The following DNAI1 variants were observed in gnomAD, a reference collection of about 807,000 sequenced individuals.
DNAI1 encodes dynein axonemal intermediate chain 1, also known as dynein, axonemal, intermediate polypeptide 1.
Under a neutral mutation model 92.0 loss-of-function variants are expected in DNAI1, and 67 were observed. The ratio of observed to expected loss-of-function variants is 0.73; its 90% CI spans 0.60 to 0.89. The LOEUF (loss-of-function observed/expected upper bound fraction) is 0.89, where lower values mean the gene tolerates loss of function less well. Ranked by LOEUF, DNAI1 falls within the 40% of genes least tolerant of loss-of-function variation. The pLI is 0.00. For missense variants in DNAI1, 839 were observed against 866.6 expected, an observed-to-expected ratio of 0.97 and a Z score of 0.40; for synonymous variants, 323 against 319.6, an observed-to-expected ratio of 1.01 and a Z score of -0.11.
At chr9:34,481,778 A>G (rs1321668710) in intron 1 of DNAI1, among the ~76,000 whole-genome samples, 1 of 152,130 alleles carries the variant, frequency 6.6e-6, no homozygotes, top group African/African-American at 2.4e-5. Context: ...TGGGCTCAGG[A>G]GTGAAGCTGC....
intron 12 of DNAI1, among the ~76,000 whole-genome samples, chr9:34,502,529 C>T (rs575886531): frequency 5.3e-5 from 8 of 152,214 alleles, no homozygotes; most frequent in East Asian, 1.9e-4. Context: ...TCAGTTTTAG[C>T]GCTATTCTCC....
rs746021545 is a variant in DNAI1, at chr9:34,459,062, C to T, written c.48+9C>T. The T allele has an allele frequency of 1.2e-6, 2 of 1,613,568 alleles. No individual in the cohort carries two copies. The highest frequency in any genetic ancestry group is 1.7e-6 in the Non-Finnish European group (2 of 1,179,510). On this transcript the variant is annotated intron_variant, in intron 1 of 19. Coordinates refer to ENST00000242317, the MANE Select transcript of DNAI1 (RefSeq NM_012144.4). ...AACAGCCTCATAAGCAGGTAACGTACGCACACCTTCCTTCTGATGACCTCT... is the reference window on the plus strand; with the variant it reads ...AACAGCCTCATAAGCAGGTAACGTATGCACACCTTCCTTCTGATGACCTCT...
chr9:34,481,740 G>A (rs992335002), intron 1 of DNAI1, among the ~76,000 whole-genome samples: 4 of 152,074 alleles, frequency 2.6e-5, no homozygotes, highest in Admixed American at 2.0e-4. Flanking sequence ...GGAGTTGTTC[G>A]TTCCTCCTGG....
intron 1 of DNAI1, among the ~76,000 whole-genome samples, chr9:34,472,905 A>C (rs888240725): frequency 6.6e-6 from 1 of 152,060 alleles, no homozygotes; most frequent in African/African-American, 2.4e-5. Flanking sequence ...TGACTAAAAA[A>C]AAAAAAAAAT....
At chr9:34,512,284 T>G in intron 14 of DNAI1, 53 bp from the exon 15 acceptor site, 1 of 1,612,002 alleles carries the variant, frequency 6.2e-7, no homozygotes, top group Non-Finnish European at 8.5e-7. Flanking sequence ...GCCTTGCTCA[T>G]CTAGCCCAAC....
rs999905460 is a variant in DNAI1 at position 34,493,232 on chromosome 9, G to T, written c.720G>T (p.Lys240Asn). The T allele has an allele frequency of 4.3e-6, 7 of 1,614,044 alleles. No individual in the cohort carries two copies. The African/African-American group carries it at 8.0e-5, about 18-fold the overall frequency. Residue 240 changes from lysine to asparagine, a missense_variant, in exon 9 of 20, where the codon AAG (lysine) becomes AAT (asparagine). By Grantham distance (94) the Lys-to-Asn change is moderately conservative. Coordinates refer to ENST00000242317, the MANE Select transcript of DNAI1 (RefSeq NM_012144.4). ...IYDAYVEELEKQEKTKEKEKA... is the reference protein window; with the variant it reads ...IYDAYVEELENQEKTKEKEKA... ...ATGCCTATGTAGAGGAACTTGAGAA[G>T]CAGGAAAAGACCAAAGAGAAGGAGA...
At chr9:34,517,575 C>T in intron 19 of DNAI1, 108 bp downstream of exon 19, 1 of 1,313,596 alleles carries the variant, frequency 7.6e-7, no homozygotes, top group Non-Finnish European at 1.1e-6. Context: ...ATGTGGGAGA[C>T]CCAGGGTAAG....
intron 11 of DNAI1, 84 bp downstream of exon 11, chr9:34,500,923 C>T: frequency 1.8e-6 from 2 of 1,141,436 alleles, no homozygotes. Flanking sequence ...TGCACTTAAC[C>T]ACCTTGAGTA....
At chr9:34,474,038 T>G (rs1006665028) in intron 1 of DNAI1, among the ~76,000 whole-genome samples, 13 of 152,012 alleles carry the variant, frequency 8.6e-5, no homozygotes, top group Non-Finnish European at 1.5e-5. Context: ...CAATACATTG[T>G]TATTTACTAT....
At chr9:34,470,386 A>G (rs1824115236) in intron 1 of DNAI1, among the ~76,000 whole-genome samples, 1 of 152,232 alleles carries the variant, frequency 6.6e-6, no homozygotes, top group Admixed American at 6.5e-5. Flanking sequence ...AAATGTAAAA[A>G]CATAGAATGT....
At chr9:34,486,778 A>T (rs1824482469) in intron 4 of DNAI1, among the ~76,000 whole-genome samples, 1 of 152,244 alleles carries the variant, frequency 6.6e-6, no homozygotes, top group East Asian at 1.9e-4. Context: ...GTTCCCCCTC[A>T]GTCTTCCATC....
intron 10 of DNAI1, 104 bp from the exon 11 acceptor site, chr9:34,500,617 CA>C: frequency 1.3e-6 from 1 of 753,916 alleles, no homozygotes; most frequent in Admixed American, 2.0e-5. Flanking sequence ...CACTCTAAAA[CA>C]GAGGCTCATT....
At chr9:34,499,411 G>T (rs535024691) in intron 10 of DNAI1, among the ~76,000 whole-genome samples, 1 of 152,362 alleles carries the variant, frequency 6.6e-6, no homozygotes, top group South Asian at 2.1e-4. Flanking sequence ...CTTCACTTCT[G>T]TTAATGAATT....
At chr9:34,469,872 G>C (rs950624252) in intron 1 of DNAI1, among the ~76,000 whole-genome samples, 1 of 152,192 alleles carries the variant, frequency 6.6e-6, no homozygotes, top group East Asian at 1.9e-4. Context: ...GAGCCACTGC[G>C]CCCAGCCCTT....
chr9:34,492,704 G>C (rs1824634083), intron 8 of DNAI1, among the ~76,000 whole-genome samples: 2 of 151,238 alleles, frequency 1.3e-5, no homozygotes, highest in Admixed American at 1.3e-4. Context: ...ATTTTTTGTA[G>C]AGATGGAGTT....
At chr9:34,508,602 A>G (rs1158615709) in intron 13 of DNAI1, among the ~76,000 whole-genome samples, 1 of 152,172 alleles carries the variant, frequency 6.6e-6, no homozygotes, top group Admixed American at 6.5e-5. Context: ...CCCAGCTCAG[A>G]TAGCCCAGGG....
intron 1 of DNAI1, among the ~76,000 whole-genome samples, chr9:34,476,315 G>A (rs1403685096): frequency 6.6e-6 from 1 of 152,180 alleles, no homozygotes; most frequent in Non-Finnish European, 1.5e-5. Flanking sequence ...TGTCACTGCT[G>A]TACATGAGAA....
Position 34,490,128 on chromosome 9 carries a change from CA to C in DNAI1, c.501+5del. On this transcript the variant is annotated splice_donor_5th_base_variant and intron_variant, in intron 6 of 19. Transcript: ENST00000242317. ...AACAGATGTGCCTGCAGCTGGGGTA[CA>C]GTATAATATCGCTCTGTGTCCCTCT... 6.2e-7 allele frequency: 1 copy of C among 1,613,772 alleles called. No homozygotes were observed.
intron 2 of DNAI1, among the ~76,000 whole-genome samples, chr9:34,484,013 C>T (rs141711201): frequency 0.023 from 3,432 of 151,854 alleles, 97 homozygotes; most frequent in East Asian, 0.12. Context: ...GTCAGGAGTT[C>T]GAGACCAGCC....
Sources: allele counts gnomAD v4.1 joint callset (sites outside exome capture counted in the v4.1 genomes callset), GRCh38; gene constraint gnomAD v4.1.1; transcripts MANE v1.5; gene names NCBI Gene and HGNC (gene_info 2026-07-23, HGNC 2026-07-21).